RBM38: variants seen among roughly 807,000 people sequenced by gnomAD.
RBM38 encodes the protein RNA binding motif protein 38.
A neutral mutation model predicts 23.5 loss-of-function variants in RBM38; 11 were observed. The observed-to-expected ratio is 0.47, with a 90% CI of 0.29 to 0.77. The LOEUF (loss-of-function observed/expected upper bound fraction) is 0.77, where lower values mean the gene tolerates loss of function less well. Among genes scored for constraint, RBM38 ranks in the 30% least tolerant of loss-of-function variants. The pLI is 0.08. For missense variants in RBM38, 330 were observed against 351.9 expected (o/e 0.94, Z 0.50); for synonymous variants, 165 against 166.1 (o/e 0.99, Z 0.05).
At chr20:57,392,829 T>G in intron 2 of RBM38, 52 bp downstream of exon 2, 2 of 1,588,382 alleles carry the variant, frequency 1.3e-6, no homozygotes, top group African/African-American at 1.4e-5. Context: ...ATATTGGGTG[T>G]CGGTATCTGT....
chr20:57,397,830 C>G (rs987772322), intron 3 of RBM38, among the ~76,000 whole-genome samples: 5 of 152,244 alleles, frequency 3.3e-5, no homozygotes, highest in African/African-American at 1.2e-4. Flanking sequence ...TGCTCACATT[C>G]TGTTTGTGCA....
At chr20:57,400,784 C>T (rs562549115) in intron 3 of RBM38, among the ~76,000 whole-genome samples, 5 of 152,222 alleles carry the variant, frequency 3.3e-5, no homozygotes, top group African/African-American at 1.2e-4. Context: ...TAGAAGTTTT[C>T]TGCAGAGGAT....
intron 3 of RBM38, among the ~76,000 whole-genome samples, chr20:57,404,740 G>A (rs1478260497): frequency 1.3e-5 from 2 of 152,276 alleles, no homozygotes; most frequent in Admixed American, 6.5e-5. Flanking sequence ...CTGACAGAAC[G>A]CCATCCAGTG....
chr20:57,392,977 C>T lies in RBM38; in HGVS notation c.361+200C>T, dbSNP rs112728204. Reference sequence around the variant, plus strand: ...ACAGCGTGTGGCCCAAAGAAGGGGGCGGGGGGCAGGGAGGGTACTGCACCC... The same window carrying T: ...ACAGCGTGTGGCCCAAAGAAGGGGGTGGGGGGCAGGGAGGGTACTGCACCC... On this transcript the variant is annotated intron_variant, in intron 2 of 3. Transcript: ENST00000356208. 1.2e-3 allele frequency: 910 copies of T among 779,984 alleles called. 5 individuals carry two copies. In the African/African-American group the frequency reaches 0.014, roughly 12 times the overall value. 48.3% of individuals were successfully genotyped at this position (779,984 alleles called of 1,614,324 possible).
chr20:57,399,827 AC>A (rs2067309710), intron 3 of RBM38: 7 of 454,060 alleles, frequency 1.5e-5, no homozygotes, highest in South Asian at 7.8e-5. Context: ...GGGAGTCAGA[AC>A]CCTAAGAGCT....
At chr20:57,399,665 T>C (rs1157849170) in intron 3 of RBM38, among the ~76,000 whole-genome samples, 2 of 152,220 alleles carry the variant, frequency 1.3e-5, no homozygotes, top group Non-Finnish European at 1.5e-5. Context: ...GTTCGACCTG[T>C]GTCCTGTGGC....
intron 2 of RBM38, 125 bp from the exon 3 acceptor site, chr20:57,393,152 GGA>G: frequency 1.1e-6 from 1 of 926,070 alleles, no homozygotes; most frequent in East Asian, 2.4e-5. Context: ...GCCTGGGAGG[GGA>G]GAGGAAGCGG....
chr20:57,397,170 A>C (rs1040229285), intron 3 of RBM38, among the ~76,000 whole-genome samples: 1 of 152,206 alleles, frequency 6.6e-6, no homozygotes, highest in Non-Finnish European at 1.5e-5. Flanking sequence ...CTACAGGGCC[A>C]ACTTGACTGT....
Position 57,407,416 on chromosome 20 carries a change from C to A in RBM38, c.417-127C>A. ...CATCTGGCCAGGTGCTGTTTCTGTG[C>A]CCATCTGACCGATGAGGAAAGTCGG... On this transcript the variant is annotated intron_variant, in intron 3 of 3. Transcript: ENST00000356208. The surrounding 1 kb of genome is among the most constrained non-coding windows in gnomAD (Gnocchi z 4.0). The A allele has an allele frequency of 9.2e-7, 1 of 1,091,010 alleles. No individual in the cohort carries two copies. The highest frequency in any genetic ancestry group is 1.3e-6 in the Non-Finnish European group (1 of 751,414). 67.6% of individuals were successfully genotyped at this position (1,091,010 alleles called of 1,614,324 possible).
At chr20:57,392,012 G>GCCCCCGCCC in intron 1 of RBM38, among the ~76,000 whole-genome samples, 194 bp downstream of exon 1, 1 of 79,586 alleles carries the variant, frequency 1.3e-5, no homozygotes, top group East Asian at 3.6e-4. Context: ...CCAGGCCCCG[G>GCCCCCGCCC]CCCCCACCCC....
At chr20:57,403,837 G>T (rs920004309) in intron 3 of RBM38, among the ~76,000 whole-genome samples, 2 of 152,210 alleles carry the variant, frequency 1.3e-5, no homozygotes, top group Non-Finnish European at 2.9e-5. Context: ...GGCTAGGCTG[G>T]TCCTGAACTC....
chr20:57,398,253 T>C (rs1239571005), intron 3 of RBM38, among the ~76,000 whole-genome samples: 1 of 135,026 alleles, frequency 7.4e-6, no homozygotes, highest in African/African-American at 3.5e-5. Flanking sequence ...TGATGGCGTG[T>C]GTGTGTGTGT....
At position 57,407,713 on chromosome 20, in the gene RBM38, C is replaced by T. The variant is rs1385211124; in HGVS notation, c.587C>T (p.Pro196Leu). The change falls in exon 4 of 4, where the codon CCT (proline) becomes CTT (leucine). Residue 196 changes from proline (P) to leucine (L), a missense_variant. Coordinates refer to ENST00000356208, the MANE Select transcript of RBM38 (RefSeq NM_017495.6). The surrounding 1 kb of genome is among the most constrained non-coding windows in gnomAD (Gnocchi z 4.0). Reference protein sequence around the residue: ...TYDQYPYAASPATAASFVGYS... With the variant: ...TYDQYPYAASLATAASFVGYS... Reference sequence around the variant, plus strand: ...GACCAGTACCCATACGCCGCCTCGCCTGCCACGGCTGCCAGCTTCGTGGGC... The same window carrying T: ...GACCAGTACCCATACGCCGCCTCGCTTGCCACGGCTGCCAGCTTCGTGGGC... The T allele has an allele frequency of 5.0e-6, 8 of 1,611,838 alleles. No homozygotes were observed. Among genetic ancestry groups the T allele is most frequent in the South Asian group, 2.2e-5 (2 of 91,056 alleles).
At chr20:57,406,446 A>G (rs936357602) in intron 3 of RBM38, among the ~76,000 whole-genome samples, 1 of 152,198 alleles carries the variant, frequency 6.6e-6, no homozygotes, top group Non-Finnish European at 1.5e-5. Flanking sequence ...CATCAGCTGT[A>G]GGACCTTGGG....
chr20:57,403,034 G>C (rs962994777), intron 3 of RBM38, among the ~76,000 whole-genome samples: 9 of 152,214 alleles, frequency 5.9e-5, no homozygotes, highest in African/African-American at 1.9e-4. Context: ...GAGCATTGTA[G>C]GAAGCGGTCA....
intron 3 of RBM38, among the ~76,000 whole-genome samples, chr20:57,398,351 G>C (rs952345867): frequency 7.9e-5 from 12 of 152,284 alleles, no homozygotes; most frequent in Admixed American, 5.2e-4. Flanking sequence ...TTGGCTTCTG[G>C]GGAAGAGCGA....
chr20:57,392,745 A>G lies in RBM38; in HGVS notation c.329A>G (p.Tyr110Cys). 1.2e-6 allele frequency: 2 copies of G among 1,613,008 alleles called. No individual in the cohort carries two copies. The highest frequency in any genetic ancestry group is 1.7e-6 in the Non-Finnish European group (2 of 1,179,818). ...CGCAAGGCCAACGTGAACCTGGCAT[A>G]TCTGGGCGCCAAGCCGCGGAGCCTC... is the stretch of plus-strand genomic sequence containing the variant. ...DGRKANVNLA[Y>C]LGAKPRSLQT... Residue 110 changes from tyrosine to cysteine, a missense_variant, in exon 2 of 4, where the codon TAT (tyrosine) becomes TGT (cysteine). Tyr to Cys is a radical substitution (Grantham distance 194, BLOSUM62 -2). Coordinates refer to ENST00000356208, the MANE Select transcript of RBM38 (RefSeq NM_017495.6).
intron 3 of RBM38, among the ~76,000 whole-genome samples, chr20:57,398,565 G>C (rs1431583015): frequency 6.6e-6 from 1 of 152,150 alleles, no homozygotes; most frequent in Non-Finnish European, 1.5e-5. Context: ...CCCCCCACAA[G>C]GCTTCCTGTT....
rs1033857064 is a variant in RBM38 at position 57,408,494 on chromosome 20, T to C, written c.*648T>C. On this transcript the variant is annotated 3_prime_UTR_variant, in exon 4 of 4. Coordinates refer to ENST00000356208, the MANE Select transcript of RBM38 (RefSeq NM_017495.6). Reference sequence around the variant, plus strand: ...CCAGTCATAGCACTGAAGTTGCAACTTTTTTCTTGTAATTGTTTTGCTACT... The same window carrying C: ...CCAGTCATAGCACTGAAGTTGCAACCTTTTTCTTGTAATTGTTTTGCTACT... The C allele has an allele frequency of 6.6e-6, 1 of 152,538 alleles. No homozygotes were observed. The highest frequency in any genetic ancestry group is 2.4e-5 in the African/African-American group (1 of 41,476). 9.4% of individuals were successfully genotyped at this position (152,538 alleles called of 1,614,324 possible).
Sources: allele counts gnomAD v4.1 joint callset (sites outside exome capture counted in the v4.1 genomes callset), GRCh38; gene constraint gnomAD v4.1.1; non-coding constraint Gnocchi (gnomAD v3.1); transcripts MANE v1.5; gene names NCBI Gene and HGNC (gene_info 2026-07-23, HGNC 2026-07-21).